NSUN5: variants seen among roughly 807,000 people sequenced by gnomAD.
The protein encoded by NSUN5 is 28S rRNA (cytosine-C(5))-methyltransferase.
A neutral mutation model predicts 51.1 loss-of-function variants in NSUN5; 39 were observed. The observed-to-expected ratio is 0.76, with a 90% confidence interval of 0.59 to 1.00. NSUN5 has a LOEUF of 1.00. NSUN5 is among the 50% of genes least tolerant of loss of function. NSUN5 has a pLI of 0.00. For synonymous variants in NSUN5, 266 were observed against 271.5 expected, an observed-to-expected ratio of 0.98 and a Z score of 0.20; for missense variants, 526 against 614.0, an observed-to-expected ratio of 0.86 and a Z score of 1.51.
rs1554540979 is a variant in NSUN5 at position 73,303,366 on chromosome 7, G to A, written c.*49C>T. ...AGGGCCCAGGGTCCTCCACGGAGAG[G>A]ACAGGCATCTTCCTTTCCCACCAGG... is the stretch of plus-strand genomic sequence containing the variant. On this transcript the variant is annotated 3_prime_UTR_variant, in exon 10 of 10. Transcript: ENST00000438747. 6.2e-7 allele frequency: 1 copy of A among 1,614,000 alleles called. No homozygotes were observed. The highest frequency in any genetic ancestry group is 8.5e-7 in the Non-Finnish European group (1 of 1,179,890).
chr7:73,304,087 T>C, intron 7 of NSUN5, 51 bp from the exon 8 acceptor site: 1 of 1,596,818 alleles, frequency 6.3e-7, no homozygotes, highest in Non-Finnish European at 8.6e-7. Flanking sequence ...ACCTCAGTCC[T>C]GAAATCCTCG....
At position 73,304,231 on chromosome 7, in the gene NSUN5, C is replaced by G. The variant is rs782738218; in HGVS notation, c.933G>C (p.Ser311=). 1.2e-6 allele frequency: 2 copies of G among 1,606,796 alleles called. No homozygotes were observed. ...YILLDPSCSG[S]GMPSRQLEEP... is the part of the protein sequence containing the mutation. ...GGCCACGCTTTCTCGCCATCTCACC[C>G]GAGCCACTGCAGGAAGGATCCAGCA... The change falls in exon 7 of 10, where the codon TCG becomes TCC. Residue 311 remains serine (S), a splice_region_variant and synonymous_variant. Transcript: ENST00000438747.
rs571723532 is a variant in NSUN5, at chr7:73,303,470, C to T, written c.1346G>A (p.Arg449Lys). Reference sequence around the variant, plus strand: ...TGCGGCTCTTTGCTGTCTCTTCTTTCTCTTTGGGGCTGGGCTGGGTGTGCG... The same window carrying T: ...TGCGGCTCTTTGCTGTCTCTTCTTTTTCTTTGGGGCTGGGCTGGGTGTGCG... ...PERTPSPAPK[R>K]KKRQQRAAAG... Residue 449 changes from arginine to lysine, a missense_variant, in exon 10 of 10, where the codon AGA (arginine) becomes AAA (lysine). By Grantham distance (26) the Arg-to-Lys change is conservative (BLOSUM62 2). Coordinates refer to ENST00000438747, the MANE Select transcript of NSUN5 (RefSeq NM_148956.4). 30 of 1,614,184 alleles carry T rather than the reference C, an allele frequency of 1.9e-5. No homozygotes were observed. The African/African-American group carries it at 3.2e-4, about 17-fold the overall frequency.
Position 73,303,438 on chromosome 7 carries a change from C to T in NSUN5, c.1378G>A (p.Ala460Thr). The part of the protein sequence containing the change: ...KKRQQRAAAG[A>T]CTPPCT ...TGCTATGTGCAAGGCGGTGTGCAAGCACCGGCTGCGGCTCTTTGCTGTCTC... is the reference window on the plus strand; with the variant it reads ...TGCTATGTGCAAGGCGGTGTGCAAGTACCGGCTGCGGCTCTTTGCTGTCTC... The change falls in exon 10 of 10, where the codon GCT becomes ACT. Residue 460 changes from alanine (A) to threonine (T), a missense_variant. Ala to Thr is a moderately conservative substitution (Grantham distance 58, BLOSUM62 0). Transcript: ENST00000438747. 3 of 1,614,190 alleles carry T rather than the reference C, an allele frequency of 1.9e-6. No individual in the cohort carries two copies. The highest frequency in any genetic ancestry group is 2.5e-6 in the Non-Finnish European group (3 of 1,180,040).
chr7:73,304,034 T>C lies in NSUN5; in HGVS notation c.937A>G (p.Met313Val). ...GGCTCCTCCAGCTGTCTGCTCGGCA[T>C]ACCTAAGGAAAAGAGTGTCTCTGTT... is the stretch of plus-strand genomic sequence containing the variant. Reference protein sequence around the residue: ...LLDPSCSGSGMPSRQLEEPGA... With the variant: ...LLDPSCSGSGVPSRQLEEPGA... The change falls in exon 8 of 10, where the codon ATG becomes GTG. Residue 313 changes from methionine to valine, a missense_variant and splice_region_variant. By Grantham distance (21) the Met-to-Val change is conservative. Coordinates refer to ENST00000438747, the MANE Select transcript of NSUN5 (RefSeq NM_148956.4). 1 of 1,613,952 alleles carries C rather than the reference T, an allele frequency of 6.2e-7. No individual in the cohort carries two copies. Among genetic ancestry groups the C allele is most frequent in the Non-Finnish European group, 8.5e-7 (1 of 1,179,892 alleles).
intron 2 of NSUN5, chr7:73,308,121 C>A (rs782785199): frequency 3.1e-4 from 140 of 458,082 alleles, no homozygotes; most frequent in Non-Finnish European, 4.8e-4. Flanking sequence ...GCAGCTTCGA[C>A]CTCCTGGGCT....
At chr7:73,304,075 C>T (rs1803930564) in intron 7 of NSUN5, 39 bp from the exon 8 acceptor site, 1 of 1,603,942 alleles carries the variant, frequency 6.2e-7, no homozygotes, top group African/African-American at 1.3e-5. Context: ...GCTTCACAGG[C>T]TACCTCAGTC....
chr7:73,305,131 A>C (rs782343381), intron 4 of NSUN5, 34 bp from the exon 5 acceptor site: 1 of 1,608,288 alleles, frequency 6.2e-7, no homozygotes, highest in Non-Finnish European at 8.5e-7. Flanking sequence ...CATTTCCTGA[A>C]TTTCTCCCTG....
rs559935004 is a variant in NSUN5, at chr7:73,306,333, G to A, written c.500+1061C>T. ...CAGGAGGCAGAGGTTGCAGTGAGCCGAGATTGCGCCATTGCACTCCAGCCT... is the reference window on the plus strand; with the variant it reads ...CAGGAGGCAGAGGTTGCAGTGAGCCAAGATTGCGCCATTGCACTCCAGCCT... On this transcript the variant is annotated intron_variant, in intron 4 of 9. Transcript: ENST00000438747. 1.6e-3 allele frequency among the ~76,000 whole-genome samples: 223 copies of A among 137,348 alleles called. 1 individual carries two copies. Among genetic ancestry groups the A allele is most frequent in the Non-Finnish European group, 2.9e-3 (193 of 65,758 alleles). 90.1% of individuals were successfully genotyped at this position (137,348 alleles called of 152,430 possible). A position where few individuals can be genotyped will look rare whatever the true frequency, so the allele number is the denominator to read the frequency against.
Position 73,302,983 on chromosome 7 carries a change from G to C in NSUN5, c.*432C>G, listed in dbSNP as rs191097779. ...TTCTACCTGTACCTTATGTAAGGTA[G>C]ACCCTCCTAGTGTCAGCACCTGAGC... On this transcript the variant is annotated 3_prime_UTR_variant, in exon 10 of 10. Transcript: ENST00000438747. 2 of 1,187,370 alleles carry C rather than the reference G, an allele frequency of 1.7e-6. No homozygotes were observed. The highest frequency in any genetic ancestry group is 7.9e-5 in the Admixed American group (2 of 25,422). The allele number at this position is 1,187,370 out of a possible 1,614,324, so 73.6% of individuals were successfully genotyped here. A position where few individuals can be genotyped will look rare whatever the true frequency, so the allele number is the denominator to read the frequency against.
chr7:73,307,921 C>T, intron 2 of NSUN5, 164 bp from the exon 3 acceptor site: 1 of 685,392 alleles, frequency 1.5e-6, no homozygotes, highest in South Asian at 2.0e-5. Context: ...AAATTAACTA[C>T]AGAACAGGAT....
intron 4 of NSUN5, 111 bp from the exon 5 acceptor site, chr7:73,305,208 G>T (rs1259354702): frequency 2.8e-6 from 4 of 1,418,152 alleles, no homozygotes; most frequent in East Asian, 2.5e-5. Flanking sequence ...AATCAACAGG[G>T]TGATAAGCTA....
At position 73,303,294 on chromosome 7, in the gene NSUN5, G is replaced by A; in HGVS notation, c.*121C>T. ...GCTCACCAGCAAGAACACAGCCCAA[G>A]GAAGGGACCCAATAACCTTTCAAAA... is the stretch of plus-strand genomic sequence containing the variant. On this transcript the variant is annotated 3_prime_UTR_variant, in exon 10 of 10. Coordinates refer to ENST00000438747, the MANE Select transcript of NSUN5 (RefSeq NM_148956.4). 2 of 1,613,500 alleles carry A rather than the reference G, an allele frequency of 1.2e-6. No individual in the cohort carries two copies. The highest frequency in any genetic ancestry group is 2.2e-5 in the South Asian group (2 of 91,066).
Position 73,303,989 on chromosome 7 carries a change from G to C in NSUN5, c.982C>G (p.Pro328Ala), listed in dbSNP as rs144929830. Residue 328 changes from proline to alanine, a missense_variant, in exon 8 of 10, where the codon CCG (proline) becomes GCG (alanine). Transcript: ENST00000438747. ...CCTGCCAGGGCATGCAGACGCACCG[G>C]GCTAGGTGTGCCTGCCCCGGGCTCC... is the stretch of plus-strand genomic sequence containing the variant. ...LEEPGAGTPS[P>A]VRLHALAGFQ... The C allele has an allele frequency of 1.7e-3, 2,664 of 1,614,176 alleles. 2 individuals are homozygous for C. The highest frequency in any genetic ancestry group is 2.0e-3 in the Non-Finnish European group (2,396 of 1,180,036).
Position 73,304,220 on chromosome 7 carries a change from G to T in NSUN5, c.934+10C>A, listed in dbSNP as rs371755761. On this transcript the variant is annotated intron_variant, in intron 7 of 9. Transcript: ENST00000438747. The stretch of plus-strand genomic sequence containing the variant: ...GCGAGTCCCTCGGCCACGCTTTCTC[G>T]CCATCTCACCCGAGCCACTGCAGGA... The T allele has an allele frequency of 6.3e-7, 1 of 1,598,348 alleles. No homozygotes were observed. Among genetic ancestry groups the T allele is most frequent in the African/African-American group, 1.3e-5 (1 of 74,414 alleles).
rs782661866 is a variant in NSUN5, at chr7:73,303,843, C to G, written c.1128G>C (p.Gln376His). Residue 376 changes from glutamine to histidine, a missense_variant, in exon 8 of 10, where the codon CAG becomes CAC. Gln to His is a conservative substitution (Grantham distance 24). Coordinates refer to ENST00000438747, the MANE Select transcript of NSUN5 (RefSeq NM_148956.4). Reference sequence around the variant, plus strand: ...CCCTGTACCTGAAGGCGCCCGGGTTCTGCTGCAGCGCATCTCGCACCACGT... The same window carrying G: ...CCCTGTACCTGAAGGCGCCCGGGTTGTGCTGCAGCGCATCTCGCACCACGT... Reference protein sequence around the residue: ...NEDVVRDALQQNPGAFRLAPA... With the variant: ...NEDVVRDALQHNPGAFRLAPA... 2 of 1,613,876 alleles carry G rather than the reference C, an allele frequency of 1.2e-6. No homozygotes were observed. Among genetic ancestry groups the G allele is most frequent in the Non-Finnish European group, 1.7e-6 (2 of 1,179,910 alleles).
chr7:73,304,527 G>C (rs1803954674), intron 6 of NSUN5, 119 bp from the exon 7 acceptor site: 1 of 1,064,532 alleles, frequency 9.4e-7, no homozygotes, highest in Non-Finnish European at 1.4e-6. Context: ...CGTTTAAAGG[G>C]CTCACAGTCA....
rs1554541602 is a variant in NSUN5, at chr7:73,304,998, G to C, written c.600C>G (p.His200Gln). 2 of 1,611,586 alleles carry C rather than the reference G, an allele frequency of 1.2e-6. No homozygotes were observed. The highest frequency in any genetic ancestry group is 2.2e-5 in the East Asian group (1 of 44,872). ...VFPAQTDLHE[H>Q]PLYRAGHLIL... ...TGAGGTGTCCGGCCCGGTACAGTGG[G>C]TGTTCATGCAGATCTGTCTGGGCGG... The change falls in exon 5 of 10, where the codon CAC becomes CAG. Residue 200 changes from histidine to glutamine, a missense_variant. Coordinates refer to ENST00000438747, the MANE Select transcript of NSUN5 (RefSeq NM_148956.4).
At chr7:73,305,121 C>G in intron 4 of NSUN5, 24 bp from the exon 5 acceptor site, 1 of 1,609,794 alleles carries the variant, frequency 6.2e-7, no homozygotes, top group South Asian at 1.1e-5. Context: ...ACCATTCATT[C>G]ATTTCCTGAA....
Sources: allele counts gnomAD v4.1 joint callset (sites outside exome capture counted in the v4.1 genomes callset), GRCh38; gene constraint gnomAD v4.1.1; transcripts MANE v1.5; gene names NCBI Gene and HGNC (gene_info 2026-07-23, HGNC 2026-07-21).